MAP3K20: variants seen among roughly 807,000 people sequenced by gnomAD.
The protein encoded by MAP3K20 is HCCS-4.
MAP3K20 carries 40 observed loss-of-function variants against 85.7 expected under a neutral mutation model. The ratio of observed to expected loss-of-function variants is 0.47; its 90% CI spans 0.36 to 0.61. The LOEUF (loss-of-function observed/expected upper bound fraction) is 0.61. MAP3K20 is among the 20% of genes least tolerant of loss of function. The pLI, the probability that MAP3K20 is intolerant of heterozygous loss-of-function variation, is 0.00. For synonymous variants in MAP3K20, 325 were observed against 327.7 expected (o/e 0.99, Z 0.09); for missense variants, 817 against 961.7 (o/e 0.85, Z 1.99).
chr2:173,134,205 T>A (rs1386842768), intron 2 of MAP3K20, among the ~76,000 whole-genome samples: 1 of 146,156 alleles, frequency 6.8e-6, no homozygotes, highest in Non-Finnish European at 1.5e-5. Context: ...TTTTTTTTTT[T>A]TTTGAGACAG....
At chr2:173,244,172 G>A (rs1224311181) in intron 16 of MAP3K20, among the ~76,000 whole-genome samples, 1 of 152,182 alleles carries the variant, frequency 6.6e-6, no homozygotes, top group Non-Finnish European at 1.5e-5. Flanking sequence ...GGTTTCTAGT[G>A]TGGGCAACTA....
intron 16 of MAP3K20, among the ~76,000 whole-genome samples, chr2:173,253,602 T>C (rs1016787021): frequency 6.6e-6 from 1 of 152,198 alleles, no homozygotes; most frequent in Non-Finnish European, 1.5e-5. Flanking sequence ...CATTTCAGAC[T>C]ACCAGGGTGA....
At chr2:173,227,935 T>A (rs2106327996) in intron 11 of MAP3K20, among the ~76,000 whole-genome samples, 1 of 152,326 alleles carries the variant, frequency 6.6e-6, no homozygotes, top group South Asian at 2.1e-4. Context: ...CCAGCTGCCC[T>A]GTGAAGAGAC....
intron 2 of MAP3K20, among the ~76,000 whole-genome samples, chr2:173,169,567 T>C (rs1159797064): frequency 6.7e-6 from 1 of 150,014 alleles, no homozygotes; most frequent in Non-Finnish European, 1.5e-5. Context: ...AAAAAAAAAA[T>C]TAATTAGCTG....
intron 16 of MAP3K20, among the ~76,000 whole-genome samples, chr2:173,250,831 A>C (rs897951745): frequency 6.6e-6 from 1 of 152,212 alleles, no homozygotes. Flanking sequence ...AAAAAAACAA[A>C]TCTCATGGGA....
At chr2:173,100,322 T>C (rs1687601550) in intron 2 of MAP3K20, among the ~76,000 whole-genome samples, 1 of 152,178 alleles carries the variant, frequency 6.6e-6, no homozygotes, top group South Asian at 2.1e-4. Context: ...GATTATAATC[T>C]GCATTTGATG....
intron 7 of MAP3K20, among the ~76,000 whole-genome samples, chr2:173,197,069 A>G (rs562457160): frequency 1.3e-5 from 2 of 152,350 alleles, no homozygotes; most frequent in South Asian, 4.1e-4. Flanking sequence ...CTGGAATATA[A>G]TAAGTACTCA....
In MAP3K20 at chr2:173,266,704, A is replaced by G. The variant is rs771075979; in HGVS notation, c.2357A>G (p.Asn786Ser). The G allele has an allele frequency of 6.3e-7, 1 of 1,589,624 alleles. No homozygotes were observed. ...CACAGGCCATCTCCCGCCAAAACCA[A>G]TAAAGAGAGAGCCAGAGGGGACCAC... is the stretch of plus-strand genomic sequence containing the variant. Reference protein sequence around the residue: ...KPHRPSPAKTNKERARGDHRG... With the variant: ...KPHRPSPAKTSKERARGDHRG... The change falls in exon 20 of 20, where the codon AAT (asparagine) becomes AGT (serine). Residue 786 changes from asparagine (N) to serine (S), a missense_variant. Physicochemically the swap from Asn to Ser is conservative, Grantham distance 46. Transcript: ENST00000375213.
intron 2 of MAP3K20, among the ~76,000 whole-genome samples, chr2:173,134,224 T>C (rs1688706769): frequency 7.1e-6 from 1 of 141,496 alleles, no homozygotes; most frequent in Non-Finnish European, 1.5e-5. Flanking sequence ...AGAATCTCGC[T>C]CTGTCCTCCA....
chr2:173,168,836 A>G (rs138293535), intron 2 of MAP3K20, among the ~76,000 whole-genome samples: 2,017 of 152,294 alleles, frequency 0.013, 26 homozygotes, highest in Middle Eastern at 0.024. Flanking sequence ...TCATCTTTCT[A>G]TTGACATTAG....
intron 2 of MAP3K20, among the ~76,000 whole-genome samples, chr2:173,092,048 C>T (rs1687316229): frequency 6.6e-6 from 1 of 152,168 alleles, no homozygotes; most frequent in African/African-American, 2.4e-5. Flanking sequence ...CCTTTAATCT[C>T]CCTGAATGAT....
chr2:173,226,575 A>G (rs1684393883), intron 11 of MAP3K20: 3 of 985,760 alleles, frequency 3.0e-6, no homozygotes, highest in African/African-American at 3.5e-5. Flanking sequence ...ATGAGTATCC[A>G]TCAGGAAATC....
At chr2:173,117,573 C>G (rs1414495206) in intron 2 of MAP3K20, among the ~76,000 whole-genome samples, 1 of 152,174 alleles carries the variant, frequency 6.6e-6, no homozygotes, top group Non-Finnish European at 1.5e-5. Context: ...AGCCACCACG[C>G]CTGGCCTATT....
At chr2:173,134,156 CTTATA>C (rs1450038783) in intron 2 of MAP3K20, among the ~76,000 whole-genome samples, 1 of 147,942 alleles carries the variant, frequency 6.8e-6, no homozygotes, top group Non-Finnish European at 1.5e-5. Flanking sequence ...TGGTAGGAAT[CTTATA>C]TTAAGACACC....
At chr2:173,092,094 A>G (rs756029141) in intron 2 of MAP3K20, among the ~76,000 whole-genome samples, 15 of 152,198 alleles carry the variant, frequency 9.9e-5, no homozygotes, top group Non-Finnish European at 1.5e-4. Context: ...AGTGAACCAT[A>G]GCAATTGATT....
rs1298587341 is a variant in MAP3K20, at chr2:173,263,828, A to C, written c.1635A>C (p.Ala545=). 4 of 1,613,734 alleles carry C rather than the reference A, an allele frequency of 2.5e-6. No individual in the cohort carries two copies. Among genetic ancestry groups the C allele is most frequent in the Non-Finnish European group, 3.4e-6 (4 of 1,179,938 alleles). The part of the protein sequence containing the change: ...SRTKPQDEVK[A]VQLAIQTLFT... ...CAAAACCTCAGGATGAAGTGAAAGCAGTCCAACTTGCCATTCAGACATTAT... is the reference window on the plus strand; with the variant it reads ...CAAAACCTCAGGATGAAGTGAAAGCCGTCCAACTTGCCATTCAGACATTAT... Residue 545 remains alanine, a synonymous_variant, in exon 19 of 20, where the codon GCA becomes GCC. Transcript: ENST00000375213.
chr2:173,111,484 A>T (rs1317106937), intron 2 of MAP3K20, among the ~76,000 whole-genome samples: 1 of 152,200 alleles, frequency 6.6e-6, no homozygotes, highest in Non-Finnish European at 1.5e-5. Context: ...GTTCTTGGTC[A>T]TGAAATCCTT....
intron 11 of MAP3K20, chr2:173,225,624 C>T (rs1684366463): frequency 5.1e-6 from 5 of 984,278 alleles, no homozygotes; most frequent in Non-Finnish European, 4.8e-6. Context: ...AAAAACAACC[C>T]GGTAGCATTG....
intron 11 of MAP3K20, among the ~76,000 whole-genome samples, chr2:173,217,748 A>G (rs532464511): frequency 9.2e-5 from 14 of 152,174 alleles, no homozygotes; most frequent in Non-Finnish European, 1.9e-4. Flanking sequence ...TTCGTACTCA[A>G]TTTAGTGTTA....
Sources: allele counts gnomAD v4.1 joint callset (sites outside exome capture counted in the v4.1 genomes callset), GRCh38; gene constraint gnomAD v4.1.1; transcripts MANE v1.5; gene names NCBI Gene and HGNC (gene_info 2026-07-23, HGNC 2026-07-21).